The following ADGRB3 variants were observed in gnomAD, a reference collection of about 807,000 sequenced individuals.
ADGRB3 encodes the protein adhesion G protein-coupled receptor B3, also known as brain-specific angiogenesis inhibitor 3.
A neutral mutation model predicts 193.4 loss-of-function variants in ADGRB3; 37 were observed. That is an observed-to-expected ratio of 0.19 (90% confidence interval 0.15 to 0.25). The LOEUF is 0.25. ADGRB3 is among the 10% of genes least tolerant of loss of function. The pLI, the probability that ADGRB3 is intolerant of heterozygous loss-of-function variation, is 1.00. For synonymous variants in ADGRB3, 690 were observed against 644.2 expected, an observed-to-expected ratio of 1.07 and a Z score of -1.08; for missense variants, 1,637 against 1,852.9, an observed-to-expected ratio of 0.88 and a Z score of 2.14.
At chr6:68,718,644 C>A (rs1296935436) in intron 3 of ADGRB3, among the ~76,000 whole-genome samples, 2 of 151,776 alleles carry the variant, frequency 1.3e-5, no homozygotes, top group African/African-American at 4.8e-5. Flanking sequence ...TCTGGGAAAT[C>A]TTCCTCAGTA....
intron 3 of ADGRB3, among the ~76,000 whole-genome samples, chr6:68,813,788 T>G (rs1767568763): frequency 6.6e-6 from 1 of 152,104 alleles, no homozygotes; most frequent in South Asian, 2.1e-4. Context: ...TTCCCACCTG[T>G]GAGTGAGAAC....
At chr6:69,197,433 T>A (rs1178096616) in intron 17 of ADGRB3, among the ~76,000 whole-genome samples, 1 of 152,020 alleles carries the variant, frequency 6.6e-6, no homozygotes, top group African/African-American at 2.4e-5. Flanking sequence ...TTTACATTGT[T>A]GAATTTTTAA....
intron 3 of ADGRB3, among the ~76,000 whole-genome samples, chr6:68,772,890 A>T (rs868535270): frequency 3.2e-3 from 145 of 45,998 alleles, no homozygotes; most frequent in African/African-American, 7.2e-3. Flanking sequence ...AACAAAAAAA[A>T]AAAAATATAT....
chr6:68,884,167 C>G (rs1268779645), intron 3 of ADGRB3, among the ~76,000 whole-genome samples: 1 of 152,090 alleles, frequency 6.6e-6, no homozygotes, highest in Non-Finnish European at 1.5e-5. Context: ...CTTTTAGATT[C>G]AATATAGGCT....
At chr6:68,769,220 C>T (rs1323859906) in intron 3 of ADGRB3, among the ~76,000 whole-genome samples, 1 of 152,138 alleles carries the variant, frequency 6.6e-6, no homozygotes, top group Non-Finnish European at 1.5e-5. Context: ...AATCATTCTA[C>T]TATAAAGACA....
At chr6:69,213,440 G>A (rs1161965711) in intron 17 of ADGRB3, among the ~76,000 whole-genome samples, 1 of 152,158 alleles carries the variant, frequency 6.6e-6, no homozygotes, top group African/African-American at 2.4e-5. Flanking sequence ...GATTATACCT[G>A]TATTTTAATT....
intron 17 of ADGRB3, among the ~76,000 whole-genome samples, chr6:69,148,110 G>T (rs1206202166): frequency 6.6e-6 from 1 of 152,086 alleles, no homozygotes; most frequent in Non-Finnish European, 1.5e-5. Context: ...TTGAATTAGA[G>T]AGTTTAGTCT....
chr6:69,172,474 T>C (rs1169180399), intron 17 of ADGRB3, among the ~76,000 whole-genome samples: 1 of 150,856 alleles, frequency 6.6e-6, no homozygotes, highest in Non-Finnish European at 1.5e-5. Context: ...AAACCCCGTC[T>C]CTACTAAAAA....
chr6:68,910,416 T>A (rs569462080), intron 3 of ADGRB3, among the ~76,000 whole-genome samples: 1 of 152,156 alleles, frequency 6.6e-6, no homozygotes, highest in African/African-American at 2.4e-5. Context: ...TTTAATTAGA[T>A]CCCATTTGTC....
At chr6:68,799,997 G>A (rs527354794) in intron 3 of ADGRB3, among the ~76,000 whole-genome samples, 1 of 152,250 alleles carries the variant, frequency 6.6e-6, no homozygotes, top group East Asian at 1.9e-4. Context: ...GAGTGACAAA[G>A]TCTGATTTAT....
intron 20 of ADGRB3, among the ~76,000 whole-genome samples, chr6:69,254,002 C>T (rs968400695): frequency 2.0e-5 from 3 of 152,012 alleles, no homozygotes; most frequent in Non-Finnish European, 4.4e-5. Flanking sequence ...TCCAGGCAGT[C>T]AGAAGCTTGG....
Position 69,355,450 on chromosome 6 carries a change from TAACA to T in ADGRB3, c.3556-366_3556-363del, listed in dbSNP as rs1405017301. Reference sequence around the variant, plus strand: ...CAAATTGAATGTTTAAAAATGCCAATAACAAACATAATTATTTAAGAATATTCAT... The same window carrying T: ...CAAATTGAATGTTTAAAAATGCCAATAACATAATTATTTAAGAATATTCAT... On this transcript the variant is annotated intron_variant, in intron 27 of 31. Coordinates refer to ENST00000370598, the MANE Select transcript of ADGRB3 (RefSeq NM_001704.3). 2.0e-5 allele frequency among the ~76,000 whole-genome samples: 3 copies of T among 152,190 alleles called. No individual in the cohort carries two copies. In the East Asian group the frequency reaches 5.8e-4, roughly 29 times the overall value.
At position 68,897,819 on chromosome 6, in the gene ADGRB3, G is replaced by C. The variant is rs1048041347; in HGVS notation, c.758-32740G>C. ...AGAGAAACAGAAAGAAAGAAGAAAA[G>C]GAAGGAAGGAGAGAAAAAGAGAAAG... On this transcript the variant is annotated intron_variant, in intron 3 of 31. Transcript: ENST00000370598. Among the ~76,000 whole-genome samples the C allele has an allele frequency of 8.0e-4, 117 of 146,502 alleles. 1 individual carries two copies. Among genetic ancestry groups the C allele is most frequent in the Non-Finnish European group, 2.9e-4 (19 of 66,418 alleles).
At chr6:69,385,622 T>C (rs1052254199) in intron 31 of ADGRB3, among the ~76,000 whole-genome samples, 4 of 152,122 alleles carry the variant, frequency 2.6e-5, no homozygotes, top group African/African-American at 9.7e-5. Flanking sequence ...TAACTACAGC[T>C]CCTTATTCTG....
chr6:68,824,709 GTTC>G (rs1223516555), intron 3 of ADGRB3, among the ~76,000 whole-genome samples: 1 of 149,568 alleles, frequency 6.7e-6, no homozygotes, highest in Non-Finnish European at 1.5e-5. Context: ...ATTTGTATCT[GTTC>G]TTCTGGGAAT....
At chr6:68,840,281 G>A (rs1345483780) in intron 3 of ADGRB3, among the ~76,000 whole-genome samples, 2 of 149,622 alleles carry the variant, frequency 1.3e-5, no homozygotes, top group Non-Finnish European at 3.0e-5. Flanking sequence ...TTCTGTAGAA[G>A]GAGAGGGAAG....
chr6:69,269,623 A>G (rs1767129687), intron 20 of ADGRB3, among the ~76,000 whole-genome samples: 1 of 152,142 alleles, frequency 6.6e-6, no homozygotes, highest in African/African-American at 2.4e-5. Context: ...AATTCTTTAC[A>G]TTTCAAATAA....
chr6:68,851,406 T>G (rs749367261), intron 3 of ADGRB3, among the ~76,000 whole-genome samples: 3 of 151,918 alleles, frequency 2.0e-5, no homozygotes, highest in African/African-American at 4.8e-5. Context: ...AGGAAAATTC[T>G]AATACTATGA....
At chr6:69,203,740 C>T (rs148908251) in intron 17 of ADGRB3, among the ~76,000 whole-genome samples, 230 of 152,228 alleles carry the variant, frequency 1.5e-3, no homozygotes, top group African/African-American at 5.1e-3. Flanking sequence ...AACAAATATG[C>T]ATAATCCGCA....
Sources: gnomAD v4.1 joint callset for allele counts (sites outside exome capture counted in the v4.1 genomes callset) on GRCh38, gnomAD v4.1.1 for gene constraint, MANE v1.5 for transcripts, NCBI Gene and HGNC (gene_info 2026-07-23, HGNC 2026-07-21) for gene names.